Variants in GHDC observed in about 807,000 individuals in gnomAD.
The protein encoded by GHDC is GH3 domain-containing protein.
Under a neutral mutation model 51.5 loss-of-function variants are expected in GHDC, and 39 were observed. The observed-to-expected ratio is 0.76, with a 90% CI of 0.59 to 0.99. The LOEUF (loss-of-function observed/expected upper bound fraction) is 0.99, where lower values mean the gene tolerates loss of function less well. GHDC is among the 50% of genes least tolerant of loss of function. The probability of loss-of-function intolerance (pLI) is 0.00; values close to 1 mark genes in which losing one functional copy is unlikely to be tolerated. For synonymous variants in GHDC, 282 were observed against 305.2 expected, an observed-to-expected ratio of 0.92 and a Z score of 0.79; for missense variants, 610 against 672.8, an observed-to-expected ratio of 0.91 and a Z score of 1.03.
chr17:42,190,052 C>T, intron 9 of GHDC, 131 bp from the exon 10 acceptor site: 1 of 1,369,002 alleles, frequency 7.3e-7, no homozygotes, highest in Non-Finnish European at 1.0e-6. Flanking sequence ...GGACTTAGCC[C>T]TCCCCTCCCA....
chr17:42,192,161 A>G (rs1051796788), intron 5 of GHDC, 80 bp downstream of exon 5: 20 of 1,475,982 alleles, frequency 1.4e-5, no homozygotes, highest in Non-Finnish European at 1.7e-5. Flanking sequence ...TGAGATGATT[A>G]TGTAGGGCCC....
Position 42,189,758 on chromosome 17 carries a change from CG to C in GHDC, c.1537del (p.Arg513GlyfsTer51). 6.5e-7 allele frequency: 1 copy of C among 1,529,158 alleles called. No homozygotes were observed. Among genetic ancestry groups the C allele is most frequent in the Non-Finnish European group, 8.8e-7 (1 of 1,138,534 alleles). 94.7% of individuals were successfully genotyped at this position (1,529,158 alleles called of 1,614,324 possible). ...PSSPFPPAMP[R>X]VLRHRHLAQC... The stretch of plus-strand genomic sequence containing the variant: ...GGCCAGGTGCCTGTGCCGAAGGACC[CG>C]GGGCATCGCAGGGGGGAAGGGGGAG... On this transcript the variant is annotated frameshift_variant, in exon 10 of 10. Transcript: ENST00000587427. LOFTEE classifies it high-confidence loss of function.
In GHDC at chr17:42,189,925, G is replaced by A; in HGVS notation, c.1375-4C>T. The A allele has an allele frequency of 6.6e-7, 1 of 1,522,446 alleles. No individual in the cohort carries two copies. The highest frequency in any genetic ancestry group is 8.8e-7 in the Non-Finnish European group (1 of 1,132,864). The allele number at this position is 1,522,446 out of a possible 1,614,324, so 94.3% of individuals were successfully genotyped here. A position where few individuals can be genotyped will look rare whatever the true frequency, so the allele number is the denominator to read the frequency against. The stretch of plus-strand genomic sequence containing the variant: ...CTTCCTGAAGGCAGTGGTCCAGCTG[G>A]GAACAGAACAGCCTGAGTGAGCTGG... On this transcript the variant is annotated splice_polypyrimidine_tract_variant and splice_region_variant and intron_variant, in intron 9 of 9. Transcript: ENST00000587427.
intron 5 of GHDC, 30 bp from the exon 6 acceptor site, chr17:42,191,240 C>T (rs2079966952): frequency 1.4e-6 from 2 of 1,471,768 alleles, no homozygotes; most frequent in Non-Finnish European, 9.0e-7. Context: ...TCCTCAGCGT[C>T]TGCTGGTGCC....
At chr17:42,190,139 C>T in intron 9 of GHDC, 46 bp downstream of exon 9, 6 of 1,578,108 alleles carry the variant, frequency 3.8e-6, no homozygotes, top group Non-Finnish European at 5.2e-6. Context: ...TGGGAGTGTG[C>T]AGAGTGAAGG....
rs751631648 is a variant in GHDC at position 42,191,076 on chromosome 17, C to G, written c.1024G>C (p.Glu342Gln). ...TCATACTCCTTGCCCTGCTGGGCCT[C>G]GGCCAAAAGGAGGGTGGAGGCAGCT... Reference protein sequence around the residue: ...EEAASTLLLAEAQQGKEYELV... With the variant: ...EEAASTLLLAQAQQGKEYELV... The change falls in exon 6 of 10, where the codon GAG (glutamate) becomes CAG (glutamine). Residue 342 changes from glutamate (E) to glutamine (Q), a missense_variant. Glu to Gln is a conservative substitution (Grantham distance 29). Coordinates refer to ENST00000587427, the MANE Select transcript of GHDC (RefSeq NM_032484.5). 2 of 1,580,508 alleles carry G rather than the reference C, an allele frequency of 1.3e-6. No homozygotes were observed. Among genetic ancestry groups the G allele is most frequent in the Non-Finnish European group, 1.7e-6 (2 of 1,165,020 alleles).
Position 42,189,887 on chromosome 17 carries a change from T to C in GHDC, c.1409A>G (p.Tyr470Cys). ...GCTGCCCCAGAACCGCAGGGACTTG[T>C]AGCGGGGAGAGGCTTCCTGAAGGCA... is the stretch of plus-strand genomic sequence containing the variant. ...DHCLQEASPRYKSLRFWGSVG... is the reference protein window; with the variant it reads ...DHCLQEASPRCKSLRFWGSVG... Residue 470 changes from tyrosine (Y) to cysteine (C), a missense_variant, in exon 10 of 10, where the codon TAC becomes TGC. Transcript: ENST00000587427. 1.3e-6 allele frequency: 2 copies of C among 1,553,044 alleles called. No individual in the cohort carries two copies. The highest frequency in any genetic ancestry group is 2.4e-5 in the East Asian group (1 of 41,588).
rs765298157 is a variant in GHDC, at chr17:42,192,333, TCCAGAGTCACCA to T, written c.785_796del (p.Val262_Leu265del). ...CACAGCCTCGGCCTGGCCTCCTGCATCCAGAGTCACCACCACCTGCAGCTTTGGCCAGAGCCG... is the reference window on the plus strand; with the variant it reads ...CACAGCCTCGGCCTGGCCTCCTGCATCCACCTGCAGCTTTGGCCAGAGCCG... On this transcript the variant is annotated inframe_deletion, in exon 5 of 10. Transcript: ENST00000587427. The T allele has an allele frequency of 1.9e-6, 3 of 1,612,850 alleles. No individual in the cohort carries two copies. In the African/African-American group the frequency reaches 4.0e-5, roughly 22 times the overall value.
intron 8 of GHDC, 167 bp from the exon 9 acceptor site, chr17:42,190,437 T>C (rs2079959241): frequency 1.4e-6 from 2 of 1,475,632 alleles, no homozygotes; most frequent in East Asian, 2.5e-5. Context: ...TGATCCTAAA[T>C]AGGAGACAGA....
At chr17:42,192,191 T>C in intron 5 of GHDC, 50 bp downstream of exon 5, 2 of 1,507,884 alleles carry the variant, frequency 1.3e-6, no homozygotes, top group Non-Finnish European at 1.8e-6. Context: ...CTGCTTGTCA[T>C]GTGACCACTG....
In GHDC at chr17:42,189,798, C is replaced by A; in HGVS notation, c.1498G>T (p.Ala500Ser). ...GAFRALRAAL[A>S]ACPSSPFPPA... ...GGGAAGGGGGAGGAGGGGCAGGCAG[C>A]GAGGGCTGCCCGGAGTGCTCGGAAG... Residue 500 changes from alanine to serine, a missense_variant, in exon 10 of 10, where the codon GCT becomes TCT. Physicochemically the swap from Ala to Ser is moderately conservative, Grantham distance 99 (BLOSUM62 1). This residue lies in a region of GHDC where 412 missense variants were observed against 410.4 expected (regional missense o/e 1.00). Transcript: ENST00000587427. 1 of 1,548,406 alleles carries A rather than the reference C, an allele frequency of 6.5e-7. No individual in the cohort carries two copies. Among genetic ancestry groups the A allele is most frequent in the Admixed American group, 2.0e-5 (1 of 49,772 alleles).
chr17:42,192,662 A>G lies in GHDC; in HGVS notation c.468T>C (p.Leu156=), dbSNP rs774654444. The part of the protein sequence containing the change: ...LAQGRTARVT[L]TSPWPRPLPW... ...GCAGGGGTCGGGGCCAAGGGGATGT[A>G]AGCGTCACACGGGCAGTGCGTCCCT... The change falls in exon 5 of 10, where the codon CTT becomes CTC. Residue 156 remains leucine, a synonymous_variant. Transcript: ENST00000587427. 4 of 1,605,760 alleles carry G rather than the reference A, an allele frequency of 2.5e-6. No homozygotes were observed. The East Asian group carries it at 8.9e-5, about 36-fold the overall frequency.
Position 42,193,420 on chromosome 17 carries a change from C to G in GHDC, c.162G>C (p.Arg54Ser). 1 of 1,568,306 alleles carries G rather than the reference C, an allele frequency of 6.4e-7. No homozygotes were observed. The highest frequency in any genetic ancestry group is 8.6e-7 in the Non-Finnish European group (1 of 1,156,742). The change falls in exon 3 of 10, where the codon AGG becomes AGC. Residue 54 changes from arginine (R) to serine (S), a missense_variant. By Grantham distance (110) the Arg-to-Ser change is moderately radical. Coordinates refer to ENST00000587427, the MANE Select transcript of GHDC (RefSeq NM_032484.5). ...LVWAATWQRR[R>S]LEQSTLHVHQ... ...GCACATGGAGCGTGCTCTGCTCCAG[C>G]CTCCGCCGCTGCCAGGTGGCTGCCC...
chr17:42,193,720 C>T (rs1490231104), intron 2 of GHDC, 47 bp downstream of exon 2: 4 of 1,177,692 alleles, frequency 3.4e-6, no homozygotes, highest in Non-Finnish European at 4.6e-6. Context: ...CCCTGTGGGG[C>T]AGGTGATGCA....
rs1160857145 is a variant in GHDC at position 42,189,760 on chromosome 17, G to A, written c.1536C>T (p.Pro512=). 5.2e-6 allele frequency: 8 copies of A among 1,530,554 alleles called. No homozygotes were observed. Among genetic ancestry groups the A allele is most frequent in the Non-Finnish European group, 7.0e-6 (8 of 1,139,112 alleles). 94.8% of individuals were successfully genotyped at this position (1,530,554 alleles called of 1,614,324 possible). Residue 512 remains proline, a synonymous_variant, in exon 10 of 10, where the codon CCC becomes CCT. Transcript: ENST00000587427. Reference sequence around the variant, plus strand: ...CCAGGTGCCTGTGCCGAAGGACCCGGGGCATCGCAGGGGGGAAGGGGGAGG... The same window carrying A: ...CCAGGTGCCTGTGCCGAAGGACCCGAGGCATCGCAGGGGGGAAGGGGGAGG... ...CPSSPFPPAM[P]RVLRHRHLAQ... is the part of the protein sequence containing the mutation.
Position 42,192,976 on chromosome 17 carries a change from T to G in GHDC, c.317A>C (p.Gln106Pro). ...HLPLTKASQT[Q>P]QEDSGEQPLP... Reference sequence around the variant, plus strand: ...TGGCTGCTCTCCACTGTCTTCCTGCTGGGTCTGGCTGGCCTTGGTCAGAGG... The same window carrying G: ...TGGCTGCTCTCCACTGTCTTCCTGCGGGGTCTGGCTGGCCTTGGTCAGAGG... The change falls in exon 4 of 10, where the codon CAG (glutamine) becomes CCG (proline). Residue 106 changes from glutamine to proline, a missense_variant. Transcript: ENST00000587427. The G allele has an allele frequency of 6.2e-7, 1 of 1,614,154 alleles. No individual in the cohort carries two copies. Among genetic ancestry groups the G allele is most frequent in the Non-Finnish European group, 8.5e-7 (1 of 1,180,032 alleles).
rs1017704623 is a variant in GHDC, at chr17:42,192,259, C to T, written c.871G>A (p.Ala291Thr). 10 of 1,547,298 alleles carry T rather than the reference C, an allele frequency of 6.5e-6. No homozygotes were observed. In the Admixed American group the frequency reaches 1.2e-4, roughly 18 times the overall value. The part of the protein sequence containing the change: ...WCQGLAFFSP[A>T]YAASGGVLGL... ...CACTGACCTCCCGAGGCAGCATAAGCAGGAGAGAAGAAGGCTAGTCCTTGG... is the reference window on the plus strand; with the variant it reads ...CACTGACCTCCCGAGGCAGCATAAGTAGGAGAGAAGAAGGCTAGTCCTTGG... Residue 291 changes from alanine (A) to threonine (T), a missense_variant, in exon 5 of 10, where the codon GCT (alanine) becomes ACT (threonine). By Grantham distance (58) the Ala-to-Thr change is moderately conservative (BLOSUM62 0). Coordinates refer to ENST00000587427, the MANE Select transcript of GHDC (RefSeq NM_032484.5).
rs2079960635 is a variant in GHDC, at chr17:42,190,652, G to A, written c.1260C>T (p.Asp420=). The A allele has an allele frequency of 6.2e-7, 1 of 1,613,010 alleles. No homozygotes were observed. Among genetic ancestry groups the A allele is most frequent in the African/African-American group, 1.3e-5 (1 of 74,920 alleles). The part of the protein sequence containing the change: ...VGQWAGAKLL[D]HGCVESSILD... ...GAATGCTGCTCTCCACACAGCCATG[G>A]TCCAGCAGCTTGGCCCCCGCCCACT... Residue 420 remains aspartate (D), a synonymous_variant, in exon 8 of 10, where the codon GAC becomes GAT. Coordinates refer to ENST00000587427, the MANE Select transcript of GHDC (RefSeq NM_032484.5).
Position 42,192,240 on chromosome 17 carries a change from C to A in GHDC, c.889+1G>T. 1.3e-6 allele frequency: 2 copies of A among 1,527,002 alleles called. No individual in the cohort carries two copies. The highest frequency in any genetic ancestry group is 2.3e-5 in the East Asian group (1 of 44,106). The allele number at this position is 1,527,002 out of a possible 1,614,324, so 94.6% of individuals were successfully genotyped here. On this transcript the variant is annotated splice_donor_variant, in intron 5 of 9. Coordinates refer to ENST00000587427, the MANE Select transcript of GHDC (RefSeq NM_032484.5). LOFTEE classifies it high-confidence loss of function. Reference sequence around the variant, plus strand: ...CCTCACTGCCCTTGAGTCCCACTGACCTCCCGAGGCAGCATAAGCAGGAGA... The same window carrying A: ...CCTCACTGCCCTTGAGTCCCACTGAACTCCCGAGGCAGCATAAGCAGGAGA...
Sources: allele counts gnomAD v4.1 joint callset, GRCh38; gene constraint gnomAD v4.1.1; regional missense constraint gnomAD v4.1.1; transcripts MANE v1.5; gene names NCBI Gene and HGNC (gene_info 2026-07-23, HGNC 2026-07-21).